SORCS1: variants seen among roughly 807,000 people sequenced by gnomAD.
SORCS1 encodes sortilin related VPS10 domain containing receptor 1.
In SORCS1, 60 loss-of-function variants were observed where a neutral mutation model predicts 146.1. The observed-to-expected ratio is 0.41, with a 90% CI of 0.33 to 0.51. The LOEUF is 0.51. Ranked by LOEUF, SORCS1 falls within the 20% of genes least tolerant of loss-of-function variation. SORCS1 has a pLI of 0.21. For synonymous variants in SORCS1, 637 were observed against 584.0 expected (o/e 1.09, Z -1.31); for missense variants, 1,352 against 1,487.6 (o/e 0.91, Z 1.50).
intron 3 of SORCS1, among the ~76,000 whole-genome samples, chr10:106,791,887 T>C (rs1946337514): frequency 6.6e-6 from 1 of 152,224 alleles, no homozygotes; most frequent in Non-Finnish European, 1.5e-5. Flanking sequence ...ACCACTTTCA[T>C]TCCTAATGAC....
At chr10:106,581,424 G>T (rs1844906312) in intron 24 of SORCS1, among the ~76,000 whole-genome samples, 1 of 151,744 alleles carries the variant, frequency 6.6e-6, no homozygotes, top group African/African-American at 2.4e-5. Context: ...TGGGGATTAG[G>T]ACTAAGACTA....
intron 24 of SORCS1, among the ~76,000 whole-genome samples, chr10:106,582,368 G>C (rs570643342): frequency 6.6e-6 from 1 of 152,286 alleles, no homozygotes; most frequent in African/African-American, 2.4e-5. Context: ...CTCTGCATCA[G>C]TCAGTCATTT....
chr10:106,891,273 T>C (rs1294036742), intron 2 of SORCS1, among the ~76,000 whole-genome samples: 7 of 152,144 alleles, frequency 4.6e-5, no homozygotes, highest in African/African-American at 1.7e-4. Context: ...ATAGTGCACC[T>C]GTAAATTGTG....
intron 19 of SORCS1, among the ~76,000 whole-genome samples, chr10:106,623,476 C>A (rs1438838494): frequency 6.6e-6 from 1 of 151,876 alleles, no homozygotes; most frequent in Non-Finnish European, 1.5e-5. Context: ...GAACTCCTGA[C>A]CTTGTGATCC....
intron 2 of SORCS1, among the ~76,000 whole-genome samples, chr10:106,946,360 A>T (rs1954344473): frequency 6.6e-6 from 1 of 152,194 alleles, no homozygotes; most frequent in South Asian, 2.1e-4. Context: ...TCTTGTCTTG[A>T]ATTGTAGCCC....
intron 1 of SORCS1, among the ~76,000 whole-genome samples, chr10:107,147,913 T>C (rs1968468066): frequency 6.6e-6 from 1 of 152,126 alleles, no homozygotes; most frequent in East Asian, 1.9e-4. Flanking sequence ...CTTCATGATA[T>C]TCAGGCTTCC....
intron 1 of SORCS1, among the ~76,000 whole-genome samples, chr10:107,001,785 G>C (rs1243815621): frequency 6.6e-6 from 1 of 152,142 alleles, no homozygotes; most frequent in African/African-American, 2.4e-5. Context: ...TTTATAAGCA[G>C]GTATTTGCTT....
At chr10:107,003,860 T>C (rs1957320082) in intron 1 of SORCS1, among the ~76,000 whole-genome samples, 1 of 151,978 alleles carries the variant, frequency 6.6e-6, no homozygotes. Flanking sequence ...TCAAAAGCAA[T>C]CCACAACAAA....
intron 1 of SORCS1, among the ~76,000 whole-genome samples, chr10:106,987,272 T>C (rs950206949): frequency 6.6e-6 from 1 of 152,220 alleles, no homozygotes; most frequent in African/African-American, 2.4e-5. Flanking sequence ...AAGGCTCAGC[T>C]ACTTACTAAG....
Position 107,018,680 on chromosome 10 carries a change from A to T in SORCS1, c.559-62100T>A, listed in dbSNP as rs535207734. 2.2e-4 allele frequency among the ~76,000 whole-genome samples: 32 copies of T among 146,538 alleles called. No individual in the cohort carries two copies. In the East Asian group the frequency reaches 3.2e-3, roughly 15 times the overall value. ...CAATAGGTAAAGAAGGAAAAAAATTAAAAAAAAAAACAACTTTCCTCTCCA... is the reference window on the plus strand; with the variant it reads ...CAATAGGTAAAGAAGGAAAAAAATTTAAAAAAAAAACAACTTTCCTCTCCA... On this transcript the variant is annotated intron_variant, in intron 1 of 25. Coordinates refer to ENST00000263054, the MANE Select transcript of SORCS1 (RefSeq NM_052918.5).
At chr10:107,124,757 G>A (rs1966606061) in intron 1 of SORCS1, among the ~76,000 whole-genome samples, 1 of 151,914 alleles carries the variant, frequency 6.6e-6, no homozygotes, top group African/African-American at 2.4e-5. Context: ...CAGAAAACCA[G>A]CCAAACCTGA....
intron 1 of SORCS1, among the ~76,000 whole-genome samples, chr10:107,002,610 T>C (rs1406425027): frequency 6.6e-6 from 1 of 152,222 alleles, no homozygotes; most frequent in Non-Finnish European, 1.5e-5. Flanking sequence ...GAATATGCTA[T>C]ATTACATGAA....
intron 2 of SORCS1, among the ~76,000 whole-genome samples, chr10:106,893,371 C>T (rs748548677): frequency 6.6e-6 from 1 of 152,164 alleles, no homozygotes; most frequent in Non-Finnish European, 1.5e-5. Flanking sequence ...TATAACAACA[C>T]ATACATTTAA....
chr10:106,941,193 C>T (rs969640273), intron 2 of SORCS1, among the ~76,000 whole-genome samples: 2 of 152,132 alleles, frequency 1.3e-5, no homozygotes, highest in Non-Finnish European at 2.9e-5. Flanking sequence ...AAATGGCTAT[C>T]AGTATTATTT....
intron 2 of SORCS1, among the ~76,000 whole-genome samples, chr10:106,945,363 C>T (rs1245959297): frequency 6.6e-6 from 1 of 152,162 alleles, no homozygotes; most frequent in Admixed American, 6.5e-5. Context: ...GTGCCCAATA[C>T]AGGACACTAT....
At chr10:106,668,536 A>G (rs545913407) in intron 16 of SORCS1, among the ~76,000 whole-genome samples, 8 of 152,290 alleles carry the variant, frequency 5.3e-5, no homozygotes, top group African/African-American at 1.4e-4. Context: ...GGGCACAGAG[A>G]ATGACAACAA....
At chr10:106,626,717 C>T (rs768439007) in intron 19 of SORCS1, among the ~76,000 whole-genome samples, 7 of 152,188 alleles carry the variant, frequency 4.6e-5, no homozygotes, top group Non-Finnish European at 8.8e-5. Flanking sequence ...CATAGCAAAG[C>T]ACCCTGGATC....
At chr10:106,603,967 A>C (rs1846406196) in intron 23 of SORCS1, among the ~76,000 whole-genome samples, 1 of 152,258 alleles carries the variant, frequency 6.6e-6, no homozygotes, top group Non-Finnish European at 1.5e-5. Flanking sequence ...AGAGATGACC[A>C]CTTTAAACAG....
intron 19 of SORCS1, among the ~76,000 whole-genome samples, chr10:106,624,449 C>T (rs934144984): frequency 7.2e-6 from 1 of 138,790 alleles, no homozygotes; most frequent in Non-Finnish European, 1.5e-5. Context: ...CAACCTCTGC[C>T]TCCTGGGTTC....
Sources: gnomAD v4.1 joint callset for allele counts (sites outside exome capture counted in the v4.1 genomes callset) on GRCh38, gnomAD v4.1.1 for gene constraint, MANE v1.5 for transcripts, NCBI Gene and HGNC (gene_info 2026-07-23, HGNC 2026-07-21) for gene names.